Variants in INTS7 observed in about 807,000 individuals in gnomAD.
The protein encoded by INTS7 is integrator complex subunit 7.
In INTS7, 46 loss-of-function variants were observed where a neutral mutation model predicts 109.2. The observed-to-expected ratio is 0.42, with a 90% CI of 0.33 to 0.54. The LOEUF (loss-of-function observed/expected upper bound fraction) is 0.54. Ranked by LOEUF, INTS7 falls within the 20% of genes least tolerant of loss-of-function variation. The pLI is 0.07. For synonymous variants in INTS7, 412 were observed against 402.9 expected (o/e 1.02, Z -0.27); for missense variants, 929 against 1,132.4 (o/e 0.82, Z 2.58).
intron 6 of INTS7, among the ~76,000 whole-genome samples, chr1:212,006,983 A>C (rs1665949498): frequency 6.6e-6 from 1 of 150,496 alleles, no homozygotes; most frequent in Non-Finnish European, 1.5e-5. Flanking sequence ...TTTTACAGAT[A>C]CTCAATCCTT....
intron 9 of INTS7, among the ~76,000 whole-genome samples, chr1:211,981,718 A>C (rs1664673079): frequency 6.6e-6 from 1 of 152,240 alleles, no homozygotes; most frequent in Admixed American, 6.5e-5. Context: ...AAATAGCAGC[A>C]CTAGAACATC....
chr1:212,016,739 A>G, intron 4 of INTS7, 147 bp downstream of exon 4: 1 of 614,252 alleles, frequency 1.6e-6, no homozygotes, highest in Non-Finnish European at 2.8e-6. Context: ...TGTTTCCCCA[A>G]CATAAGGTAA....
intron 16 of INTS7, 50 bp from the exon 17 acceptor site, chr1:211,952,751 T>TTG: frequency 4.1e-6 from 6 of 1,457,224 alleles, no homozygotes; most frequent in East Asian, 2.3e-5. Flanking sequence ...CATGGCTATT[T>TTG]AATGCCTACA....
chr1:212,008,730 T>C (rs189168726), intron 5 of INTS7, among the ~76,000 whole-genome samples: 3 of 152,302 alleles, frequency 2.0e-5, no homozygotes, highest in Admixed American at 2.0e-4. Context: ...TATTCCTGTC[T>C]CAGTAAATCA....
chr1:211,981,929 T>A (rs1414642941), intron 9 of INTS7, among the ~76,000 whole-genome samples: 3 of 152,134 alleles, frequency 2.0e-5, no homozygotes, highest in African/African-American at 7.2e-5. Context: ...TTAAGAAATG[T>A]TTCCTGAGTG....
intron 7 of INTS7, among the ~76,000 whole-genome samples, chr1:211,997,869 A>C (rs561938679): frequency 4.9e-4 from 72 of 146,946 alleles, no homozygotes; most frequent in Non-Finnish European, 4.3e-4. Context: ...ACAGAGCAAA[A>C]CTCCAACTCA....
At chr1:211,967,276 C>A (rs895065770) in intron 15 of INTS7, among the ~76,000 whole-genome samples, 1 of 151,772 alleles carries the variant, frequency 6.6e-6, no homozygotes. Flanking sequence ...CATGGTGAAA[C>A]CCCGTCTCTA....
chr1:211,951,928 A>T (rs919342139), intron 17 of INTS7, among the ~76,000 whole-genome samples: 1 of 150,760 alleles, frequency 6.6e-6, no homozygotes, highest in African/African-American at 2.5e-5. Flanking sequence ...GGGAGAAGAT[A>T]AAAAAAAGGG....
intron 16 of INTS7, among the ~76,000 whole-genome samples, chr1:211,954,856 T>A (rs1397688872): frequency 6.6e-6 from 1 of 152,110 alleles, no homozygotes; most frequent in Non-Finnish European, 1.5e-5. Context: ...GTTCTTTTGG[T>A]TTAGGATTGA....
intron 1 of INTS7, among the ~76,000 whole-genome samples, chr1:212,023,092 T>C (rs191421624): frequency 2.0e-5 from 3 of 152,372 alleles, no homozygotes; most frequent in Non-Finnish European, 4.4e-5. Context: ...TTCATTCTTT[T>C]TTATGGCTGC....
chr1:211,957,422 T>G (rs111545476), intron 16 of INTS7, among the ~76,000 whole-genome samples: 185 of 152,204 alleles, frequency 1.2e-3, no homozygotes, highest in African/African-American at 4.2e-3. Flanking sequence ...GACGCATGTC[T>G]GTAATCCCAG....
chr1:211,996,305 C>T (rs1453921021), intron 7 of INTS7, among the ~76,000 whole-genome samples: 1 of 151,962 alleles, frequency 6.6e-6, no homozygotes, highest in African/African-American at 2.4e-5. Flanking sequence ...AGCTGTAATC[C>T]CAGCTACTCA....
intron 5 of INTS7, among the ~76,000 whole-genome samples, chr1:212,009,195 A>T (rs1025428333): frequency 1.3e-5 from 2 of 150,864 alleles, no homozygotes; most frequent in East Asian, 2.0e-4. Flanking sequence ...CTCCACCCAC[A>T]CTCCTATGTT....
chr1:211,999,989 C>T (rs1471652537), intron 7 of INTS7, among the ~76,000 whole-genome samples: 2 of 152,082 alleles, frequency 1.3e-5, no homozygotes, highest in Admixed American at 1.3e-4. Flanking sequence ...CCTGTAATCC[C>T]AGCTACTTGA....
At chr1:211,958,392 C>T (rs1278149057) in intron 16 of INTS7, among the ~76,000 whole-genome samples, 1 of 151,844 alleles carries the variant, frequency 6.6e-6, no homozygotes, top group Non-Finnish European at 1.5e-5. Flanking sequence ...GATCTTTCTT[C>T]CCTTCTAAAT....
chr1:211,973,318 T>C (rs1664262507), intron 13 of INTS7, among the ~76,000 whole-genome samples: 1 of 152,236 alleles, frequency 6.6e-6, no homozygotes, highest in South Asian at 2.1e-4. Flanking sequence ...ACTAAACTTG[T>C]AGTAATTTGT....
chr1:211,996,762 C>T (rs545512407), intron 7 of INTS7, among the ~76,000 whole-genome samples: 9 of 152,280 alleles, frequency 5.9e-5, no homozygotes, highest in Non-Finnish European at 8.8e-5. Flanking sequence ...CAGTGGTACA[C>T]GCCTATAACC....
rs1167692604 is a variant in INTS7, at chr1:212,006,729, A to T, written c.789T>A (p.Asp263Glu). The T allele has an allele frequency of 3.3e-5, 53 of 1,605,920 alleles. No homozygotes were observed. Among genetic ancestry groups the T allele is most frequent in the Non-Finnish European group, 4.4e-5 (52 of 1,174,664 alleles). Residue 263 changes from aspartate (D) to glutamate (E), a missense_variant, in exon 7 of 20, where the codon GAT becomes GAA. Physicochemically the swap from Asp to Glu is conservative, Grantham distance 45. Transcript: ENST00000366994. ...CAAGTCTCTTTACTGCCTTCCTGGG[A>T]TCATTCTTCAAATACTGCAACAGAA... Reference protein sequence around the residue: ...IQLLLQYLKNDPRKAVKRLAI... With the variant: ...IQLLLQYLKNEPRKAVKRLAI...
intron 7 of INTS7, among the ~76,000 whole-genome samples, chr1:211,998,269 C>T (rs1259691550): frequency 2.6e-5 from 4 of 152,156 alleles, no homozygotes; most frequent in Admixed American, 6.5e-5. Flanking sequence ...TCCCACCCAG[C>T]GTAACAATTT....
Sources: gnomAD v4.1 joint callset for allele counts (sites outside exome capture counted in the v4.1 genomes callset) on GRCh38, gnomAD v4.1.1 for gene constraint, MANE v1.5 for transcripts, NCBI Gene and HGNC (gene_info 2026-07-23, HGNC 2026-07-21) for gene names.